The following CFAP43 variants were observed in gnomAD, a reference collection of about 807,000 sequenced individuals.
CFAP43 encodes cilia and flagella associated protein 43.
Under a neutral mutation model 218.9 loss-of-function variants are expected in CFAP43, and 155 were observed. That is an observed-to-expected ratio of 0.71 (90% CI 0.62 to 0.81). The LOEUF is 0.81. Ranked by LOEUF, CFAP43 falls within the 30% of genes least tolerant of loss-of-function variation. The pLI is 0.00. For missense variants in CFAP43, 1,778 were observed against 1,954.3 expected, an observed-to-expected ratio of 0.91 and a Z score of 1.70; for synonymous variants, 645 against 681.3, an observed-to-expected ratio of 0.95 and a Z score of 0.83.
intron 3 of CFAP43, among the ~76,000 whole-genome samples, chr10:104,222,690 C>T (rs1462059266): frequency 2.6e-5 from 4 of 152,096 alleles, no homozygotes; most frequent in South Asian, 2.1e-4. Context: ...GGGTTGGGAC[C>T]GGGAGGAGAT....
intron 18 of CFAP43, 57 bp from the exon 19 acceptor site, chr10:104,179,163 GA>G: frequency 2.3e-6 from 3 of 1,289,916 alleles, no homozygotes; most frequent in Non-Finnish European, 3.3e-6. Context: ...GACAGAGAGA[GA>G]GAGAGAGAGA....
intron 14 of CFAP43, 27 bp from the exon 15 acceptor site, chr10:104,186,150 T>C (rs2090021979): frequency 6.9e-7 from 1 of 1,457,606 alleles, no homozygotes; most frequent in Admixed American, 2.6e-5. Flanking sequence ...ATAACCACAT[T>C]ATAGAAAAGA....
chr10:104,215,216 T>C (rs1174621708), intron 3 of CFAP43, among the ~76,000 whole-genome samples: 1 of 152,030 alleles, frequency 6.6e-6, no homozygotes. Context: ...CATTTACCCA[T>C]TTAAGAGAAT....
chr10:104,199,260 T>C (rs2090462805), intron 8 of CFAP43, among the ~76,000 whole-genome samples: 1 of 152,202 alleles, frequency 6.6e-6, no homozygotes, highest in African/African-American at 2.4e-5. Flanking sequence ...GGTAATATAA[T>C]ATGGTCACTT....
intron 10 of CFAP43, among the ~76,000 whole-genome samples, chr10:104,196,038 GAA>G (rs2090371990): frequency 6.6e-6 from 1 of 152,176 alleles, no homozygotes; most frequent in Non-Finnish European, 1.5e-5. Context: ...GAACCTTCTG[GAA>G]AGAAGAAGCA....
At chr10:104,223,152 G>C (rs1051758103) in intron 3 of CFAP43, among the ~76,000 whole-genome samples, 2 of 152,228 alleles carry the variant, frequency 1.3e-5, no homozygotes, top group Non-Finnish European at 2.9e-5. Context: ...AAGGTGGTGG[G>C]CATGTAGAAT....
At chr10:104,208,620 T>C (rs544918356) in intron 5 of CFAP43, among the ~76,000 whole-genome samples, 2 of 152,340 alleles carry the variant, frequency 1.3e-5, no homozygotes, top group South Asian at 2.1e-4. Context: ...TTGTTGATAA[T>C]ATCATCTCCT....
At chr10:104,214,531 T>C in intron 3 of CFAP43, 105 bp from the exon 4 acceptor site, 3 of 952,974 alleles carry the variant, frequency 3.1e-6, no homozygotes, top group Non-Finnish European at 4.5e-6. Context: ...TAATTTATGA[T>C]ACAATTTATA....
chr10:104,151,527 G>T lies in CFAP43; in HGVS notation c.3660+1080C>A, dbSNP rs140736507. ...GTGATGAGCTTTTTTTCATATGCTT[G>T]TTGGCCACATGTATGTCTTCTTTAG... On this transcript the variant is annotated intron_variant, in intron 28 of 37. Coordinates refer to ENST00000357060, the MANE Select transcript of CFAP43 (RefSeq NM_025145.7). Among the ~76,000 whole-genome samples, 4 of 152,202 alleles carry T rather than the reference G, an allele frequency of 2.6e-5. No homozygotes were observed. The South Asian group carries it at 6.2e-4, about 24-fold the overall frequency.
At chr10:104,183,245 T>C (rs2089912910) in intron 16 of CFAP43, among the ~76,000 whole-genome samples, 1 of 152,142 alleles carries the variant, frequency 6.6e-6, no homozygotes, top group Admixed American at 6.5e-5. Flanking sequence ...ACTCAGAAAG[T>C]CCAGATGGGA....
rs189088036 is a variant in CFAP43 at position 104,213,863 on chromosome 10, T to G, written c.584+396A>C. ...CTGCATACTTTCTATATCTAACCAT[T>G]TCTTATTTTTGAAATTCCAGTAGGG... On this transcript the variant is annotated intron_variant, in intron 4 of 37. Transcript: ENST00000357060. Among the ~76,000 whole-genome samples the G allele has an allele frequency of 2.8e-3, 433 of 152,280 alleles. 2 individuals are homozygous for G. The highest frequency in any genetic ancestry group is 0.017 in the Middle Eastern group (5 of 294).
intron 28 of CFAP43, among the ~76,000 whole-genome samples, chr10:104,150,860 T>C (rs749180747): frequency 4.6e-5 from 7 of 152,128 alleles, no homozygotes; most frequent in Non-Finnish European, 8.8e-5. Context: ...TACCCAATAG[T>C]TATTTTTTCT....
rs543501654 is a variant in CFAP43 at position 104,197,977 on chromosome 10, C to A, written c.1157G>T (p.Cys386Phe). Reference protein sequence around the residue: ...EPTLNKVLDACDGKFQAIDFI... With the variant: ...EPTLNKVLDAFDGKFQAIDFI... ...GTCAATTGCCTGAAATTTCCCATCA[C>A]AAGCATCTAGGACTTTATTTAAGGT... The change falls in exon 9 of 38, where the codon TGT becomes TTT. Residue 386 changes from cysteine (C) to phenylalanine (F), a missense_variant. Cys to Phe is a radical substitution (Grantham distance 205). Around this residue, in one of 3 missense-constraint regions of CFAP43, gnomAD observed 1,553 missense variants for 1,685.2 expected, o/e 0.92. Coordinates refer to ENST00000357060, the MANE Select transcript of CFAP43 (RefSeq NM_025145.7). The A allele has an allele frequency of 6.2e-7, 1 of 1,613,908 alleles. No homozygotes were observed. Among genetic ancestry groups the A allele is most frequent in the South Asian group, 1.1e-5 (1 of 91,070 alleles).
At chr10:104,157,775 T>TGTGTGTGTGAGAGAGAGAGA (rs1484523345) in intron 27 of CFAP43, among the ~76,000 whole-genome samples, 13 of 90,158 alleles carry the variant, frequency 1.4e-4, no homozygotes, top group African/African-American at 3.0e-4. Context: ...TGTGTGTGTG[T>TGTGTGTGTGAGAGAGAGAGA]GAGAGAGAGA....
chr10:104,141,715 A>T lies in CFAP43; in HGVS notation c.4271+566T>A, dbSNP rs201305447. ...TATTTAATATGTAAGTTACTTAACA[A>T]ATCTATTTCTGGGTAATTCATATCC... On this transcript the variant is annotated intron_variant, in intron 33 of 37. Transcript: ENST00000357060. Among the ~76,000 whole-genome samples, 262 of 152,336 alleles carry T rather than the reference A, an allele frequency of 1.7e-3. 6 individuals carry two copies. In the East Asian group the frequency reaches 0.044, roughly 25 times the overall value.
intron 2 of CFAP43, among the ~76,000 whole-genome samples, chr10:104,226,309 C>T (rs2091303401): frequency 1.3e-5 from 2 of 152,090 alleles, no homozygotes; most frequent in African/African-American, 2.4e-5. Flanking sequence ...TGCTTTTTTT[C>T]TCATTCTCAT....
chr10:104,194,086 A>G, intron 10 of CFAP43, 72 bp from the exon 11 acceptor site: 11 of 1,532,104 alleles, frequency 7.2e-6, no homozygotes, highest in Non-Finnish European at 9.7e-6. Context: ...GCTATTATAC[A>G]GTGTACTTGA....
rs368806084 is a variant in CFAP43, at chr10:104,190,283, G to A, written c.1547-1873C>T. ...GGAATTCAAGGCTATAGTGAGCTATGATTGCACCACTGCACTCCAGCCTGG... is the reference window on the plus strand; with the variant it reads ...GGAATTCAAGGCTATAGTGAGCTATAATTGCACCACTGCACTCCAGCCTGG... On this transcript the variant is annotated intron_variant, in intron 12 of 37. Coordinates refer to ENST00000357060, the MANE Select transcript of CFAP43 (RefSeq NM_025145.7). Among the ~76,000 whole-genome samples, 12 of 152,222 alleles carry A rather than the reference G, an allele frequency of 7.9e-5. No individual in the cohort carries two copies. In the South Asian group the frequency reaches 2.3e-3, roughly 29 times the overall value.
At chr10:104,186,411 A>G (rs184636569) in intron 14 of CFAP43, among the ~76,000 whole-genome samples, 4 of 152,246 alleles carry the variant, frequency 2.6e-5, no homozygotes, top group Non-Finnish European at 4.4e-5. Context: ...CTTTGCTTTT[A>G]CTAATCATTT....
Sources: gnomAD v4.1 joint callset for allele counts (sites outside exome capture counted in the v4.1 genomes callset) on GRCh38, gnomAD v4.1.1 for gene constraint, gnomAD v4.1.1 regional missense constraint, MANE v1.5 for transcripts, NCBI Gene and HGNC (gene_info 2026-07-23, HGNC 2026-07-21) for gene names.